Variants in FAT3 observed in about 807,000 individuals in gnomAD.
The protein encoded by FAT3 is FAT atypical cadherin 3.
FAT3 carries 95 observed loss-of-function variants against 310.2 expected under a neutral mutation model. The observed-to-expected ratio is 0.31, with a 90% CI of 0.26 to 0.36. The LOEUF (loss-of-function observed/expected upper bound fraction) is 0.36. FAT3 is among the 10% of genes least tolerant of loss of function. FAT3 has a pLI of 1.00. For missense variants in FAT3, 5,408 were observed against 5,715.6 expected, an observed-to-expected ratio of 0.95 and a Z score of 1.74; for synonymous variants, 2,314 against 2,192.9, an observed-to-expected ratio of 1.06 and a Z score of -1.54.
At chr11:92,488,687 G>T (rs1322667049) in intron 2 of FAT3, among the ~76,000 whole-genome samples, 2 of 151,864 alleles carry the variant, frequency 1.3e-5, no homozygotes, top group Non-Finnish European at 2.9e-5. Flanking sequence ...ATTAACTTCT[G>T]ATCTCTCTTT....
At chr11:92,359,400 A>G (rs1948819671) in intron 2 of FAT3, among the ~76,000 whole-genome samples, 1 of 152,142 alleles carries the variant, frequency 6.6e-6, no homozygotes, top group Non-Finnish European at 1.5e-5. Context: ...TGCTTCAGTA[A>G]TTGTAGTGCT....
At chr11:92,339,435 T>C (rs1489292446) in intron 1 of FAT3, among the ~76,000 whole-genome samples, 1 of 152,226 alleles carries the variant, frequency 6.6e-6, no homozygotes, top group East Asian at 1.9e-4. Flanking sequence ...CCCAGTAGTA[T>C]GTACGTTTTG....
intron 3 of FAT3, among the ~76,000 whole-genome samples, chr11:92,557,676 C>A (rs566066): frequency 0.065 from 9,962 of 152,274 alleles, 434 homozygotes; most frequent in Non-Finnish European, 0.1. Context: ...CTCTCTGCCC[C>A]AGTCAGACTG....
chr11:92,806,622 A>G (rs998125893), intron 12 of FAT3, 107 bp downstream of exon 12: 2 of 936,798 alleles, frequency 2.1e-6, no homozygotes, highest in African/African-American at 1.7e-5. Context: ...ACTTACTCTT[A>G]TAGGGATGGA....
At chr11:92,500,331 C>CT (rs1443439864) in intron 2 of FAT3, among the ~76,000 whole-genome samples, 1 of 151,826 alleles carries the variant, frequency 6.6e-6, no homozygotes, top group East Asian at 1.9e-4. Context: ...CTATCAAGTA[C>CT]TTTTATGATC....
intron 4 of FAT3, among the ~76,000 whole-genome samples, chr11:92,709,731 G>A (rs560696772): frequency 3.2e-4 from 48 of 152,308 alleles, no homozygotes; most frequent in African/African-American, 1.1e-3. Context: ...CACAGAGGAG[G>A]CACCTAGGTG....
intron 1 of FAT3, among the ~76,000 whole-genome samples, chr11:92,243,465 T>TA (rs201618017): frequency 3.0e-4 from 44 of 148,734 alleles, no homozygotes; most frequent in Middle Eastern, 3.5e-3. Context: ...AGCCTTGATT[T>TA]AAAAAAAAAA....
intron 3 of FAT3, among the ~76,000 whole-genome samples, chr11:92,551,227 T>TGTA (rs1954804887): frequency 6.6e-6 from 1 of 152,084 alleles, no homozygotes; most frequent in African/African-American, 2.4e-5. Flanking sequence ...TGAAAGAACC[T>TGTA]GTAGTAGAAA....
At chr11:92,734,817 C>G (rs918286716) in intron 4 of FAT3, among the ~76,000 whole-genome samples, 1 of 151,998 alleles carries the variant, frequency 6.6e-6, no homozygotes, top group African/African-American at 2.4e-5. Flanking sequence ...TATTGGTAAA[C>G]AAATTATCAT....
intron 2 of FAT3, among the ~76,000 whole-genome samples, chr11:92,447,731 C>T (rs2135107146): frequency 6.6e-6 from 1 of 152,156 alleles, no homozygotes; most frequent in South Asian, 2.1e-4. Context: ...TGCGCCAAGA[C>T]CAGTAGTCAG....
intron 1 of FAT3, among the ~76,000 whole-genome samples, chr11:92,288,792 A>G (rs1382697843): frequency 6.6e-6 from 1 of 152,162 alleles, no homozygotes; most frequent in African/African-American, 2.4e-5. Flanking sequence ...GAGTATTCAA[A>G]AAACATTGCT....
At chr11:92,429,254 A>G (rs1287296539) in intron 2 of FAT3, among the ~76,000 whole-genome samples, 1 of 151,262 alleles carries the variant, frequency 6.6e-6, no homozygotes, top group African/African-American at 2.4e-5. Context: ...CCATCCCTTT[A>G]TTTTGAGCTT....
At chr11:92,709,305 C>T (rs1321620553) in intron 4 of FAT3, among the ~76,000 whole-genome samples, 1 of 152,132 alleles carries the variant, frequency 6.6e-6, no homozygotes, top group Non-Finnish European at 1.5e-5. Context: ...TGTAGAAATA[C>T]GAAACTGGAT....
rs1397754590 is a variant in FAT3 at position 92,294,594 on chromosome 11, G to C, written c.-17-57502G>C. Reference sequence around the variant, plus strand: ...AAGTATAGGTGTCATGCAGAAAAGAGGACAGCCATCAAGAGTTCATTCTAT... The same window carrying C: ...AAGTATAGGTGTCATGCAGAAAAGACGACAGCCATCAAGAGTTCATTCTAT... On this transcript the variant is annotated intron_variant, in intron 1 of 27. Coordinates refer to ENST00000525166, the MANE Select transcript of FAT3 (RefSeq NM_001367949.2). 1.3e-5 allele frequency among the ~76,000 whole-genome samples: 2 copies of C among 151,936 alleles called. 1 individual carries two copies. The highest frequency in any genetic ancestry group is 4.8e-5 in the African/African-American group (2 of 41,410).
intron 2 of FAT3, among the ~76,000 whole-genome samples, chr11:92,357,207 T>TAC (rs1251848373): frequency 1.3e-5 from 2 of 152,180 alleles, no homozygotes; most frequent in African/African-American, 2.4e-5. Flanking sequence ...CCAGACACTG[T>TAC]ACAGAGGGTT....
At chr11:92,274,737 CATCTT>C (rs1445796105) in intron 1 of FAT3, among the ~76,000 whole-genome samples, 4 of 151,908 alleles carry the variant, frequency 2.6e-5, no homozygotes, top group Non-Finnish European at 5.9e-5. Flanking sequence ...TCTTAAATAT[CATCTT>C]AATAGTCTCA....
At chr11:92,662,705 C>T (rs570229689) in intron 3 of FAT3, among the ~76,000 whole-genome samples, 11 of 152,286 alleles carry the variant, frequency 7.2e-5, no homozygotes, top group South Asian at 2.1e-4. Context: ...GTAGAGAAGC[C>T]GGATGAACAC....
intron 3 of FAT3, among the ~76,000 whole-genome samples, chr11:92,546,592 C>A (rs1297281796): frequency 6.6e-6 from 1 of 152,114 alleles, no homozygotes; most frequent in Non-Finnish European, 1.5e-5. Flanking sequence ...ACTGAGTTTT[C>A]AATATTTAAA....
intron 1 of FAT3, among the ~76,000 whole-genome samples, chr11:92,271,939 C>G (rs1342163590): frequency 6.6e-6 from 1 of 152,092 alleles, no homozygotes; most frequent in Non-Finnish European, 1.5e-5. Flanking sequence ...TAAGTCTATA[C>G]TGATTCCCTT....
Sources: gnomAD v4.1 joint callset for allele counts (sites outside exome capture counted in the v4.1 genomes callset) on GRCh38, gnomAD v4.1.1 for gene constraint, MANE v1.5 for transcripts, NCBI Gene and HGNC (gene_info 2026-07-23, HGNC 2026-07-21) for gene names.